ZFAND3: variants seen among roughly 807,000 people sequenced by gnomAD.
ZFAND3 encodes AN1-type zinc finger protein 3.
ZFAND3 carries 10 observed loss-of-function variants against 29.6 expected under a neutral mutation model. The ratio of observed to expected loss-of-function variants is 0.34; its 90% CI spans 0.21 to 0.57. ZFAND3 has a LOEUF of 0.57. Among genes scored for constraint, ZFAND3 ranks in the 20% least tolerant of loss-of-function variants. ZFAND3 has a pLI of 0.86. For synonymous variants in ZFAND3, 128 were observed against 112.6 expected (o/e 1.14, Z -0.87); for missense variants, 230 against 304.5 (o/e 0.76, Z 1.82).
intron 2 of ZFAND3, among the ~76,000 whole-genome samples, chr6:38,042,821 T>G (rs1763817910): frequency 6.6e-6 from 1 of 152,200 alleles, no homozygotes; most frequent in African/African-American, 2.4e-5. Flanking sequence ...ATCATTTATA[T>G]TAAGTAATAA....
intron 5 of ZFAND3, among the ~76,000 whole-genome samples, chr6:38,120,627 T>A (rs1441901511): frequency 6.6e-6 from 1 of 152,236 alleles, no homozygotes; most frequent in Non-Finnish European, 1.5e-5. Flanking sequence ...CGCCCGGCCT[T>A]CTTGGCTTCT....
chr6:37,862,561 A>G (rs547539796), intron 1 of ZFAND3, among the ~76,000 whole-genome samples: 6 of 151,512 alleles, frequency 4.0e-5, no homozygotes, highest in East Asian at 1.9e-4. Context: ...GTGCTTGCCT[A>G]TAGGCTCAGC....
At chr6:37,885,516 C>T (rs925796410) in intron 1 of ZFAND3, among the ~76,000 whole-genome samples, 5 of 151,918 alleles carry the variant, frequency 3.3e-5, no homozygotes, top group Admixed American at 1.3e-4. Flanking sequence ...TGGTGGCATA[C>T]GCCTGTAATC....
intron 1 of ZFAND3, among the ~76,000 whole-genome samples, chr6:37,868,186 A>ATTTTTTAC (rs1248180039): frequency 6.6e-6 from 1 of 152,230 alleles, no homozygotes; most frequent in African/African-American, 2.4e-5. Flanking sequence ...ATCTTTTGAA[A>ATTTTTTAC]TGATGATATG....
intron 5 of ZFAND3, 85 bp from the exon 6 acceptor site, chr6:38,152,150 C>G (rs1326396070): frequency 3.8e-6 from 5 of 1,314,006 alleles, no homozygotes; most frequent in Non-Finnish European, 5.1e-6. Flanking sequence ...GCCCCTCCAT[C>G]CTCTGGACAA....
chr6:38,107,374 C>G (rs927674183), intron 4 of ZFAND3, among the ~76,000 whole-genome samples: 1 of 152,164 alleles, frequency 6.6e-6, no homozygotes, highest in Non-Finnish European at 1.5e-5. Context: ...ATTCTTCTCC[C>G]CAACTGCAAG....
chr6:37,855,167 CAG>C lies in ZFAND3; in HGVS notation c.71+35154_71+35155del, dbSNP rs1285597045. 3.5e-5 allele frequency among the ~76,000 whole-genome samples: 5 copies of C among 143,674 alleles called. No homozygotes were observed. The Admixed American group carries it at 3.5e-4, about 10-fold the overall frequency. 94.3% of individuals were successfully genotyped at this position (143,674 alleles called of 152,430 possible). ...TTAATTTTTTTTTTTTTTTTTGAGA[CAG>C]AGTCTCACTCTGTTGCCCAGGCTGG... On this transcript the variant is annotated intron_variant, in intron 1 of 5. Coordinates refer to ENST00000287218, the MANE Select transcript of ZFAND3 (RefSeq NM_021943.3).
At chr6:38,076,569 A>G (rs928242501) in intron 3 of ZFAND3, among the ~76,000 whole-genome samples, 1 of 152,220 alleles carries the variant, frequency 6.6e-6, no homozygotes, top group Admixed American at 6.5e-5. Context: ...AATAGTGTGA[A>G]AGATCATGCA....
At chr6:37,909,950 A>G (rs1053213442) in intron 1 of ZFAND3, among the ~76,000 whole-genome samples, 1 of 152,222 alleles carries the variant, frequency 6.6e-6, no homozygotes, top group Non-Finnish European at 1.5e-5. Flanking sequence ...GTGTTAAAGC[A>G]TGGAATCTTA....
intron 1 of ZFAND3, among the ~76,000 whole-genome samples, chr6:37,879,592 A>G (rs530697178): frequency 6.6e-6 from 1 of 152,300 alleles, no homozygotes; most frequent in Non-Finnish European, 1.5e-5. Context: ...GTACTTAAAA[A>G]TGTGTGTTTC....
chr6:37,943,609 G>C (rs1438538007), intron 2 of ZFAND3, among the ~76,000 whole-genome samples: 1 of 152,100 alleles, frequency 6.6e-6, no homozygotes, highest in South Asian at 2.1e-4. Context: ...TGAAAGCTGG[G>C]TTATTCATTT....
intron 2 of ZFAND3, chr6:38,003,733 T>A (rs975438350): frequency 2.4e-6 from 1 of 422,970 alleles, no homozygotes; most frequent in South Asian, 1.7e-5. Context: ...CTTGAACTCC[T>A]GAGCTCAAGT....
chr6:37,881,846 T>A (rs1250814752), intron 1 of ZFAND3, among the ~76,000 whole-genome samples: 1 of 152,004 alleles, frequency 6.6e-6, no homozygotes, highest in African/African-American at 2.4e-5. Flanking sequence ...TTTCAACAAT[T>A]TTAGTTAAAA....
At chr6:37,829,232 TAA>T (rs57037823) in intron 1 of ZFAND3, among the ~76,000 whole-genome samples, 1 of 144,700 alleles carries the variant, frequency 6.9e-6, no homozygotes. Context: ...TTTGTTGCTT[TAA>T]AAAAAAAAAA....
At chr6:38,141,316 C>T (rs1174851437) in intron 5 of ZFAND3, among the ~76,000 whole-genome samples, 1 of 152,174 alleles carries the variant, frequency 6.6e-6, no homozygotes, top group Non-Finnish European at 1.5e-5. Context: ...AGACATGAGG[C>T]TTTTCAACAA....
At chr6:38,144,542 C>T (rs1252281171) in intron 5 of ZFAND3, among the ~76,000 whole-genome samples, 2 of 152,206 alleles carry the variant, frequency 1.3e-5, no homozygotes, top group African/African-American at 2.4e-5. Flanking sequence ...GGTGCCTCTG[C>T]GCAGACAGCA....
At chr6:37,914,936 A>G (rs1045356525) in intron 1 of ZFAND3, among the ~76,000 whole-genome samples, 1 of 152,152 alleles carries the variant, frequency 6.6e-6, no homozygotes, top group African/African-American at 2.4e-5. Flanking sequence ...GAAGCCCAGC[A>G]TTGACTTATC....
intron 1 of ZFAND3, among the ~76,000 whole-genome samples, chr6:37,821,386 C>G (rs1462785656): frequency 2.0e-5 from 3 of 152,354 alleles, no homozygotes; most frequent in Non-Finnish European, 4.4e-5. Flanking sequence ...TATTTCTAGT[C>G]TTCCCTTCAT....
chr6:37,914,842 A>G (rs530077089), intron 1 of ZFAND3, among the ~76,000 whole-genome samples: 2 of 151,768 alleles, frequency 1.3e-5, no homozygotes, highest in African/African-American at 2.4e-5. Context: ...GATTTTTGGA[A>G]TAGTAGCTGA....
Sources: allele counts gnomAD v4.1 joint callset (sites outside exome capture counted in the v4.1 genomes callset), GRCh38; gene constraint gnomAD v4.1.1; transcripts MANE v1.5; gene names NCBI Gene and HGNC (gene_info 2026-07-23, HGNC 2026-07-21).